The following SLC25A37 variants were observed in gnomAD, a reference collection of about 807,000 sequenced individuals.
SLC25A37 encodes solute carrier family 25 member 37, also known as mitoferrin-1.
A neutral mutation model predicts 31.0 loss-of-function variants in SLC25A37; 17 were observed. The observed-to-expected ratio is 0.55, with a 90% CI of 0.38 to 0.82. The LOEUF (loss-of-function observed/expected upper bound fraction) is 0.82. Ranked by LOEUF, SLC25A37 falls within the 40% of genes least tolerant of loss-of-function variation. The probability of loss-of-function intolerance (pLI) is 0.00; values close to 1 mark genes in which losing one functional copy is unlikely to be tolerated. For missense variants in SLC25A37, 404 were observed against 465.8 expected, an observed-to-expected ratio of 0.87 and a Z score of 1.22; for synonymous variants, 222 against 193.0, an observed-to-expected ratio of 1.15 and a Z score of -1.24.
intron 1 of SLC25A37, among the ~76,000 whole-genome samples, chr8:23,533,383 G>A (rs189466330): frequency 2.3e-3 from 344 of 152,336 alleles, no homozygotes; most frequent in Non-Finnish European, 4.0e-3. Flanking sequence ...AAACTATACA[G>A]GGGTGTGCAC....
intron 1 of SLC25A37, among the ~76,000 whole-genome samples, chr8:23,549,403 G>T (rs925293676): frequency 7.9e-5 from 12 of 152,162 alleles, no homozygotes; most frequent in Non-Finnish European, 1.6e-4. Flanking sequence ...ATGATGGAAG[G>T]TTCCTGCTAT....
chr8:23,556,931 A>G (rs889102002), intron 1 of SLC25A37, among the ~76,000 whole-genome samples: 2 of 150,474 alleles, frequency 1.3e-5, no homozygotes, highest in Admixed American at 1.3e-4. Flanking sequence ...GCTCACTGCA[A>G]CCTCCACCTC....
chr8:23,568,244 T>A (rs1802719920), intron 2 of SLC25A37, 78 bp from the exon 3 acceptor site: 1 of 1,516,006 alleles, frequency 6.6e-7, no homozygotes, highest in African/African-American at 1.4e-5. Flanking sequence ...AGTCCTGGGT[T>A]CCGTCTGATT....
chr8:23,546,547 A>AGG (rs1334584588), intron 1 of SLC25A37, among the ~76,000 whole-genome samples: 1 of 20,838 alleles, frequency 4.8e-5, no homozygotes, highest in Non-Finnish European at 8.3e-5. Context: ...ATATATATAT[A>AGG]TATATAGTGT....
intron 1 of SLC25A37, among the ~76,000 whole-genome samples, chr8:23,546,582 A>ATGTGTGT (rs535899734): frequency 8.9e-5 from 5 of 56,048 alleles, no homozygotes; most frequent in Non-Finnish European, 1.5e-4. Flanking sequence ...ATATATATAT[A>ATGTGTGT]GTGTATATAT....
chr8:23,557,948 G>A (rs193266009), intron 1 of SLC25A37, among the ~76,000 whole-genome samples: 12 of 152,230 alleles, frequency 7.9e-5, no homozygotes, highest in Non-Finnish European at 1.3e-4. Flanking sequence ...GAGACGGTGC[G>A]GAGCAGCCTC....
At position 23,575,115 on chromosome 8, in the gene SLC25A37, A is replaced by G. The variant is rs1372973992; in HGVS notation, c.*3260A>G. On this transcript the variant is annotated 3_prime_UTR_variant, in exon 4 of 4. Coordinates refer to ENST00000519973, the MANE Select transcript of SLC25A37 (RefSeq NM_016612.4). ...CATTTTTTTTTCTTTTAAAATGCTC[A>G]TGTCTTATTCCAAGCACCTTCCTCC... 1 of 152,076 alleles carries G rather than the reference A, an allele frequency of 6.6e-6. No individual in the cohort carries two copies. Among genetic ancestry groups the G allele is most frequent in the Non-Finnish European group, 1.5e-5 (1 of 67,998 alleles). 9.4% of individuals were successfully genotyped at this position (152,076 alleles called of 1,614,324 possible).
chr8:23,531,639 A>C (rs1326468958), intron 1 of SLC25A37: 1 of 152,254 alleles, frequency 6.6e-6, no homozygotes, highest in Non-Finnish European at 1.5e-5. Context: ...TTGATCTTGT[A>C]ATGACAAATA....
At chr8:23,538,405 A>C (rs1801818294) in intron 1 of SLC25A37, among the ~76,000 whole-genome samples, 1 of 142,204 alleles carries the variant, frequency 7.0e-6, no homozygotes, top group Non-Finnish European at 1.6e-5. Context: ...AAAAAAAAAA[A>C]ACCAGAAAAA....
chr8:23,536,410 C>CCAT (rs1801769753), intron 1 of SLC25A37, among the ~76,000 whole-genome samples: 1 of 152,166 alleles, frequency 6.6e-6, no homozygotes. Context: ...TTCTGGCTAC[C>CCAT]CATCATCTTC....
intron 1 of SLC25A37, among the ~76,000 whole-genome samples, chr8:23,533,821 T>A (rs1801709617): frequency 6.6e-6 from 1 of 152,246 alleles, no homozygotes; most frequent in African/African-American, 2.4e-5. Flanking sequence ...GTGATCATGG[T>A]GTTGGCTGGA....
chr8:23,548,580 A>T (rs998739378), intron 1 of SLC25A37, among the ~76,000 whole-genome samples: 1 of 148,236 alleles, frequency 6.7e-6, no homozygotes, highest in African/African-American at 2.5e-5. Context: ...AAGCGATGCT[A>T]CTGCCTCAGC....
chr8:23,567,716 T>G (rs1217572974), intron 2 of SLC25A37: 1 of 152,490 alleles, frequency 6.6e-6, no homozygotes, highest in East Asian at 1.9e-4. Flanking sequence ...TCCTGGTTCT[T>G]GAAGCCAGGC....
chr8:23,573,594 G>C lies in SLC25A37; in HGVS notation c.*1739G>C, dbSNP rs1189481572. 9.1e-6 allele frequency: 3 copies of C among 330,922 alleles called. No homozygotes were observed. The highest frequency in any genetic ancestry group is 4.7e-5 in the South Asian group (2 of 42,496). The allele number at this position is 330,922 out of a possible 1,614,324, so 20.5% of individuals were successfully genotyped here. A position where few individuals can be genotyped will look rare whatever the true frequency, so the allele number is the denominator to read the frequency against. Reference sequence around the variant, plus strand: ...GCTACTGCCTAGGAAGTAACACGTGGAGAATTTCCATCTTGGGACCATGCA... The same window carrying C: ...GCTACTGCCTAGGAAGTAACACGTGCAGAATTTCCATCTTGGGACCATGCA... On this transcript the variant is annotated 3_prime_UTR_variant, in exon 4 of 4. Transcript: ENST00000519973.
At position 23,571,599 on chromosome 8, in the gene SLC25A37, C is replaced by G. The variant is rs2117469957; in HGVS notation, c.761C>G (p.Pro254Arg). Residue 254 changes from proline to arginine, a missense_variant, in exon 4 of 4, where the codon CCC (proline) becomes CGC (arginine). Pro to Arg is a moderately radical substitution (Grantham distance 103). Coordinates refer to ENST00000519973, the MANE Select transcript of SLC25A37 (RefSeq NM_016612.4). Reference protein sequence around the residue: ...AGALAAAATTPLDVCKTLLNT... With the variant: ...AGALAAAATTRLDVCKTLLNT... ...GCCCTCGCCGCGGCCGCCACGACCC[C>G]CCTGGACGTCTGTAAGACCCTTCTG... 1.2e-6 allele frequency: 2 copies of G among 1,613,896 alleles called. No individual in the cohort carries two copies. The highest frequency in any genetic ancestry group is 1.7e-6 in the Non-Finnish European group (2 of 1,179,858).
At chr8:23,546,510 T>G (rs571378470) in intron 1 of SLC25A37, among the ~76,000 whole-genome samples, 10 of 100,296 alleles carry the variant, frequency 1.0e-4, no homozygotes, top group Admixed American at 3.6e-4. Flanking sequence ...TATATATATA[T>G]AGGTATATAT....
At chr8:23,546,553 A>ATG (rs377556225) in intron 1 of SLC25A37, among the ~76,000 whole-genome samples, 1 of 17,102 alleles carries the variant, frequency 5.8e-5, no homozygotes, top group Non-Finnish European at 1.3e-4. Context: ...ATATATATAT[A>ATG]GTGTATATAT....
intron 1 of SLC25A37, among the ~76,000 whole-genome samples, chr8:23,551,588 A>C (rs546793565): frequency 1.3e-5 from 2 of 152,046 alleles, no homozygotes; most frequent in Non-Finnish European, 2.9e-5. Flanking sequence ...AAAGGAAAAA[A>C]AAAAAAGCAG....
At chr8:23,569,260 C>T (rs1186639656) in intron 3 of SLC25A37, among the ~76,000 whole-genome samples, 2 of 152,148 alleles carry the variant, frequency 1.3e-5, no homozygotes, top group Non-Finnish European at 2.9e-5. Flanking sequence ...AAGACTGCCT[C>T]AAAACAGAAA....
Sources: gnomAD v4.1 joint callset for allele counts (sites outside exome capture counted in the v4.1 genomes callset) on GRCh38, gnomAD v4.1.1 for gene constraint, MANE v1.5 for transcripts, NCBI Gene and HGNC (gene_info 2026-07-23, HGNC 2026-07-21) for gene names.